ATG13: variants seen among roughly 807,000 people sequenced by gnomAD.
The protein encoded by ATG13 is autophagy-related protein 13.
In ATG13, 23 loss-of-function variants were observed where a neutral mutation model predicts 65.5. That is an observed-to-expected ratio of 0.35 (90% confidence interval 0.25 to 0.50). ATG13 has a LOEUF of 0.50. ATG13 is among the 20% of genes least tolerant of loss of function. The pLI is 0.98. For synonymous variants in ATG13, 252 were observed against 245.2 expected (o/e 1.03, Z -0.26); for missense variants, 566 against 677.0 (o/e 0.84, Z 1.82).
At chr11:46,661,517 C>CG (rs2061210675) in intron 11 of ATG13, among the ~76,000 whole-genome samples, 1 of 106,596 alleles carries the variant, frequency 9.4e-6, no homozygotes. Context: ...GACTCCGTCT[C>CG]AAAAAAAAAA....
intron 6 of ATG13, 87 bp from the exon 7 acceptor site, chr11:46,650,090 G>A: frequency 7.0e-7 from 1 of 1,438,550 alleles, no homozygotes; most frequent in Non-Finnish European, 9.5e-7. Context: ...TCTCTGGTTA[G>A]TCAGAACATG....
At chr11:46,663,952 T>A in intron 11 of ATG13, 45 bp from the exon 12 acceptor site, 1 of 1,144,668 alleles carries the variant, frequency 8.7e-7, no homozygotes, top group South Asian at 1.8e-5. Flanking sequence ...TTTCTTTTTT[T>A]TTTTTTTTTT....
rs566474328 is a variant in ATG13, at chr11:46,668,947, C to G, written c.1446+37C>G. ...TCACCTTCCTTGACCTTTGCTGTCC[C>G]GGGGAACTAGACCTAGAAGCATCTA... On this transcript the variant is annotated intron_variant, in intron 17 of 18. Transcript: ENST00000683050. The G allele has an allele frequency of 2.7e-6, 4 of 1,508,924 alleles. No homozygotes were observed. The African/African-American group carries it at 4.1e-5, about 16-fold the overall frequency. The allele number at this position is 1,508,924 out of a possible 1,614,324, so 93.5% of individuals were successfully genotyped here.
intron 8 of ATG13, 96 bp from the exon 9 acceptor site, chr11:46,656,999 G>T: frequency 9.9e-7 from 1 of 1,010,282 alleles, no homozygotes; most frequent in South Asian, 1.3e-5. Flanking sequence ...TAATGCCAGA[G>T]ATTACACAAT....
chr11:46,668,542 C>G lies in ATG13; in HGVS notation c.1295C>G (p.Pro432Arg). The G allele has an allele frequency of 6.2e-7, 1 of 1,614,156 alleles. No homozygotes were observed. The highest frequency in any genetic ancestry group is 8.5e-7 in the Non-Finnish European group (1 of 1,180,040). The change falls in exon 16 of 19, where the codon CCC (proline) becomes CGC (arginine). Residue 432 changes from proline (P) to arginine (R), a missense_variant. Pro to Arg is a moderately radical substitution (Grantham distance 103). Around this residue, in one of 2 missense-constraint regions of ATG13, gnomAD observed 387 missense variants for 409.8 expected, o/e 0.94. Coordinates refer to ENST00000683050, the MANE Select transcript of ATG13 (RefSeq NM_001346311.2). The part of the protein sequence containing the change: ...SLDIPFAMFA[P>R]KNLELEDTDP... The stretch of plus-strand genomic sequence containing the variant: ...GATATACCCTTTGCCATGTTTGCTC[C>G]CAAGAATTTGGAGCTGGAGGATACC...
At chr11:46,668,598 A>T (rs1327554326) in intron 16 of ATG13, 22 bp downstream of exon 16, 1 of 1,605,674 alleles carries the variant, frequency 6.2e-7, no homozygotes, top group South Asian at 1.1e-5. Context: ...GTTGACTACG[A>T]GTTCCCAGTA....
chr11:46,619,329 T>G (rs2046499638), intron 1 of ATG13, among the ~76,000 whole-genome samples: 1 of 151,272 alleles, frequency 6.6e-6, no homozygotes, highest in African/African-American at 2.4e-5. Flanking sequence ...TTTTAAATAA[T>G]TAGCTGATTT....
chr11:46,646,786 G>A (rs752187017), intron 5 of ATG13, among the ~76,000 whole-genome samples: 53 of 151,090 alleles, frequency 3.5e-4, no homozygotes, highest in Non-Finnish European at 6.3e-4. Context: ...TTGAGACAGG[G>A]TCTTGCTCAG....
intron 8 of ATG13, 168 bp downstream of exon 8, chr11:46,656,441 C>T: frequency 1.9e-6 from 1 of 531,584 alleles, no homozygotes; most frequent in East Asian, 3.1e-5. Context: ...CCCTGATCTG[C>T]CAGGGTAACC....
chr11:46,618,009 TCCCCTGGG>T (rs1284019603), intron 1 of ATG13, 119 bp downstream of exon 1: 2 of 397,076 alleles, frequency 5.0e-6, no homozygotes, highest in African/African-American at 2.1e-5. Flanking sequence ...CACGGTTCAA[TCCCCTGGG>T]CCCCTGAGTT....
chr11:46,643,879 A>G (rs891583105), intron 2 of ATG13, among the ~76,000 whole-genome samples: 1 of 152,248 alleles, frequency 6.6e-6, no homozygotes, highest in Non-Finnish European at 1.5e-5. Flanking sequence ...TCAAAAGCCC[A>G]TAACTCCCCA....
At chr11:46,663,769 C>G (rs1287779991) in intron 11 of ATG13, among the ~76,000 whole-genome samples, 2 of 152,126 alleles carry the variant, frequency 1.3e-5, no homozygotes, top group Non-Finnish European at 2.9e-5. Flanking sequence ...ATCAGGGACA[C>G]AGGCATACAT....
chr11:46,657,375 G>A (rs1237785320), intron 9 of ATG13, 149 bp from the exon 10 acceptor site: 18 of 941,470 alleles, frequency 1.9e-5, no homozygotes, highest in Non-Finnish European at 2.6e-5. Flanking sequence ...TGTCCAGAAC[G>A]TAGGATTGGT....
At chr11:46,644,588 T>A (rs922200323) in intron 3 of ATG13, among the ~76,000 whole-genome samples, 1 of 151,820 alleles carries the variant, frequency 6.6e-6, no homozygotes, top group African/African-American at 2.4e-5. Flanking sequence ...AAAAAAAATT[T>A]TTTTTTTTTT....
At chr11:46,639,506 T>A (rs532534066) in intron 2 of ATG13, among the ~76,000 whole-genome samples, 44 of 152,234 alleles carry the variant, frequency 2.9e-4, no homozygotes, top group African/African-American at 9.6e-4. Context: ...ATATATATAT[T>A]GCCCAGCTGT....
At chr11:46,664,458 C>T (rs2061848541) in intron 12 of ATG13, among the ~76,000 whole-genome samples, 1 of 152,146 alleles carries the variant, frequency 6.6e-6, no homozygotes, top group South Asian at 2.1e-4. Context: ...AAAGGGGCCT[C>T]AGGACAAAGG....
intron 7 of ATG13, among the ~76,000 whole-genome samples, chr11:46,654,820 C>G (rs541173822): frequency 1.3e-5 from 2 of 151,926 alleles, no homozygotes; most frequent in East Asian, 3.9e-4. Context: ...AAAAACAGGC[C>G]AGGCATGGTG....
At chr11:46,638,807 T>TTTTG (rs1044115571) in intron 2 of ATG13, among the ~76,000 whole-genome samples, 1 of 151,996 alleles carries the variant, frequency 6.6e-6, no homozygotes, top group Non-Finnish European at 1.5e-5. Flanking sequence ...ATTCCTCTTT[T>TTTTG]TTTGTTTGTT....
At chr11:46,665,797 C>CTTTTTTTTTTTT (rs1159523560) in intron 14 of ATG13, among the ~76,000 whole-genome samples, 2 of 87,766 alleles carry the variant, frequency 2.3e-5, no homozygotes, top group African/African-American at 9.9e-5. Flanking sequence ...TTTATTTTTC[C>CTTTTTTTTTTTT]TTTTTTTTTT....
Sources: allele counts gnomAD v4.1 joint callset (sites outside exome capture counted in the v4.1 genomes callset), GRCh38; gene constraint gnomAD v4.1.1; regional missense constraint gnomAD v4.1.1; transcripts MANE v1.5; gene names NCBI Gene and HGNC (gene_info 2026-07-23, HGNC 2026-07-21).